SOX6: variants seen among roughly 807,000 people sequenced by gnomAD.
SOX6 encodes SRY-box transcription factor 6.
In SOX6, 11 loss-of-function variants were observed where a neutral mutation model predicts 97.8. That is an observed-to-expected ratio of 0.11 (90% CI 0.07 to 0.19). The LOEUF (loss-of-function observed/expected upper bound fraction) is 0.19. Ranked by LOEUF, SOX6 falls within the 10% of genes least tolerant of loss-of-function variation. SOX6 has a pLI of 1.00. For missense variants in SOX6, 810 were observed against 1,039.5 expected, an observed-to-expected ratio of 0.78 and a Z score of 3.04; for synonymous variants, 360 against 371.4, an observed-to-expected ratio of 0.97 and a Z score of 0.35.
At chr11:16,402,626 T>C in intron 1 of SOX6, 2 of 1,593,962 alleles carry the variant, frequency 1.3e-6, no homozygotes, top group Non-Finnish European at 1.7e-6. Context: ...AGTTACCCTT[T>C]CATTTTTTTT....
At chr11:16,011,358 G>A (rs938331147) in intron 13 of SOX6, among the ~76,000 whole-genome samples, 4 of 151,902 alleles carry the variant, frequency 2.6e-5, no homozygotes, top group East Asian at 1.9e-4. Context: ...CTAAGTCCCC[G>A]GCACCAATGA....
At chr11:16,315,449 AG>A in intron 3 of SOX6, 1 of 152,328 alleles carries the variant, frequency 6.6e-6, no homozygotes, top group South Asian at 2.1e-4. Flanking sequence ...GTAAAAAAAA[AG>A]ATATACCATA....
chr11:16,494,862 C>T (rs1042585978), intron 4 of SOX6, among the ~76,000 whole-genome samples: 2 of 152,176 alleles, frequency 1.3e-5, no homozygotes, highest in African/African-American at 4.8e-5. Flanking sequence ...GAGACTAACA[C>T]AGGAAGCTGC....
rs181415211 is a variant in SOX6 at position 16,219,060 on chromosome 11, C to T, written c.535+15522G>A. On this transcript the variant is annotated intron_variant, in intron 4 of 15. Coordinates refer to ENST00000683767, the MANE Select transcript of SOX6 (RefSeq NM_001367873.1). ...CTGAGCTTTAAAAACGTGCTAGGCACTCATGGAAGAGAGAGTCTTAGACCT... is the reference window on the plus strand; with the variant it reads ...CTGAGCTTTAAAAACGTGCTAGGCATTCATGGAAGAGAGAGTCTTAGACCT... 1.6e-4 allele frequency among the ~76,000 whole-genome samples: 24 copies of T among 152,184 alleles called. No homozygotes were observed. The East Asian group carries it at 4.4e-3, about 28-fold the overall frequency.
chr11:16,612,866 A>G (rs1848416294), intron 3 of SOX6, among the ~76,000 whole-genome samples: 1 of 151,988 alleles, frequency 6.6e-6, no homozygotes, highest in South Asian at 2.1e-4. Flanking sequence ...TACCTAAGAG[A>G]AATCGCGCTT....
intron 10 of SOX6, among the ~76,000 whole-genome samples, chr11:16,052,372 G>A (rs1259890764): frequency 6.6e-6 from 1 of 152,036 alleles, no homozygotes. Flanking sequence ...ACATATAAGA[G>A]GCATAAATAT....
chr11:16,553,736 A>G (rs1395340363), intron 4 of SOX6, among the ~76,000 whole-genome samples: 1 of 152,166 alleles, frequency 6.6e-6, no homozygotes, highest in African/African-American at 2.4e-5. Context: ...AAACAGAACC[A>G]GGATAAAATT....
chr11:16,188,229 C>CAAAAAAAAAAAAA (rs5789943), intron 4 of SOX6, among the ~76,000 whole-genome samples: 1 of 113,602 alleles, frequency 8.8e-6, no homozygotes, highest in Non-Finnish European at 1.9e-5. Context: ...AACTCAGGTC[C>CAAAAAAAAAAAAA]AAAAAAAAAA....
At chr11:16,538,945 G>A (rs1036239487) in intron 4 of SOX6, among the ~76,000 whole-genome samples, 1 of 152,142 alleles carries the variant, frequency 6.6e-6, no homozygotes, top group Non-Finnish European at 1.5e-5. Flanking sequence ...GGATATCCAG[G>A]ATTTGAACTC....
chr11:16,527,360 T>C (rs770602064), intron 4 of SOX6, among the ~76,000 whole-genome samples: 1 of 152,124 alleles, frequency 6.6e-6, no homozygotes, highest in Non-Finnish European at 1.5e-5. Flanking sequence ...ATTTAATTGC[T>C]ACCCTGGGTG....
chr11:16,298,959 G>C (rs948941688), intron 3 of SOX6, among the ~76,000 whole-genome samples: 1 of 152,024 alleles, frequency 6.6e-6, no homozygotes, highest in Non-Finnish European at 1.5e-5. Context: ...TGCGTTTGCT[G>C]GAAGAAGATG....
rs576465454 is a variant in SOX6 at position 16,525,756 on chromosome 11, A to C, written n.610-49368T>G. Among the ~76,000 whole-genome samples, 5 of 152,250 alleles carry C rather than the reference A, an allele frequency of 3.3e-5. No homozygotes were observed. In the East Asian group the frequency reaches 7.7e-4, roughly 24 times the overall value. On this transcript the variant is annotated intron_variant and non_coding_transcript_variant, in intron 4 of 5. Transcript: ENST00000524520. ...CATCTGACAAAGGGCTAATATCCAG[A>C]ATCTACAATGAACTCAAACAAATTT...
chr11:16,256,244 T>A (rs537459762), intron 3 of SOX6, among the ~76,000 whole-genome samples: 1 of 151,896 alleles, frequency 6.6e-6, no homozygotes, highest in African/African-American at 2.4e-5. Flanking sequence ...AAGGATATTA[T>A]AAGAAAATAA....
intron 4 of SOX6, among the ~76,000 whole-genome samples, chr11:16,580,728 T>C (rs767904964): frequency 2.0e-5 from 3 of 152,098 alleles, no homozygotes; most frequent in Non-Finnish European, 2.9e-5. Flanking sequence ...ATCCAGAATC[T>C]ACAAGGAACT....
chr11:16,134,207 G>C (rs543336062), intron 6 of SOX6, among the ~76,000 whole-genome samples: 1 of 152,204 alleles, frequency 6.6e-6, no homozygotes, highest in Non-Finnish European at 1.5e-5. Context: ...CTTGCCTCAA[G>C]ATCAGGCAGC....
intron 3 of SOX6, among the ~76,000 whole-genome samples, chr11:16,299,263 C>A (rs1013112993): frequency 1.3e-5 from 2 of 152,138 alleles, no homozygotes; most frequent in Non-Finnish European, 2.9e-5. Context: ...CACTTCGTGT[C>A]TTTAAAGATC....
At chr11:16,403,719 A>T (rs1233216904) in intron 1 of SOX6, among the ~76,000 whole-genome samples, 1 of 151,806 alleles carries the variant, frequency 6.6e-6, no homozygotes, top group Non-Finnish European at 1.5e-5. Context: ...CTCATTAATC[A>T]CTGAAAGGGA....
intron 11 of SOX6, among the ~76,000 whole-genome samples, chr11:16,047,903 C>T (rs1414799183): frequency 6.6e-6 from 1 of 151,880 alleles, no homozygotes; most frequent in Non-Finnish European, 1.5e-5. Context: ...TTTTTGGTCC[C>T]ACAGCTTTTA....
At chr11:16,036,749 G>C (rs1348868510) in intron 12 of SOX6, among the ~76,000 whole-genome samples, 2 of 152,132 alleles carry the variant, frequency 1.3e-5, no homozygotes, top group Non-Finnish European at 2.9e-5. Context: ...TCTTAGCTCA[G>C]AAAAATCCAG....
Sources: allele counts gnomAD v4.1 joint callset (sites outside exome capture counted in the v4.1 genomes callset), GRCh38; gene constraint gnomAD v4.1.1; transcripts MANE v1.5; gene names NCBI Gene and HGNC (gene_info 2026-07-23, HGNC 2026-07-21).